DIAPH2: variants seen among roughly 807,000 people sequenced by gnomAD.
DIAPH2 encodes the protein diaphanous related formin 2.
In DIAPH2, 35 loss-of-function variants were observed where a neutral mutation model predicts 92.7. The observed-to-expected ratio is 0.38, with a 90% CI of 0.29 to 0.50. The LOEUF (loss-of-function observed/expected upper bound fraction) is 0.50, where lower values mean the gene tolerates loss of function less well. Ranked by LOEUF, DIAPH2 falls within the 20% of genes least tolerant of loss-of-function variation. DIAPH2 has a pLI of 0.94. For synonymous variants in DIAPH2, 301 were observed against 280.4 expected (o/e 1.07, Z -0.73); for missense variants, 701 against 819.5 (o/e 0.86, Z 1.77).
At chrX:97,218,355 G>T (rs930176815) in intron 22 of DIAPH2, among the ~76,000 whole-genome samples, 2 of 111,633 alleles carry the variant, frequency 1.8e-5, no homozygotes, top group Admixed American at 1.9e-4. Flanking sequence ...CTCCCAAAGT[G>T]CTGGGATTAT....
At chrX:97,545,537 T>G (rs1381695385) in intron 26 of DIAPH2, among the ~76,000 whole-genome samples, 1 of 73,604 alleles carries the variant, frequency 1.4e-5, no homozygotes, top group African/African-American at 5.7e-5. Flanking sequence ...AAAAAAAATA[T>G]ATATATATAT....
chrX:97,472,870 T>A, intron 26 of DIAPH2, among the ~76,000 whole-genome samples: 1 of 112,264 alleles, frequency 8.9e-6, no homozygotes, highest in East Asian at 2.8e-4. Context: ...TTGATTCTGC[T>A]TAGACAGGCC....
chrX:96,899,758 C>G (rs777633535), intron 5 of DIAPH2, among the ~76,000 whole-genome samples: 30 of 109,675 alleles, frequency 2.7e-4, no homozygotes, highest in Admixed American at 1.2e-3. Context: ...GAACTTCCAA[C>G]ACTATGTTGA....
chrX:97,400,700 A>G (rs2069747905), intron 25 of DIAPH2, among the ~76,000 whole-genome samples: 1 of 111,094 alleles, frequency 9.0e-6, no homozygotes. Flanking sequence ...GCTGTTGGCA[A>G]CCACCACTCT....
chrX:97,595,395 T>C (rs751338554), intron 26 of DIAPH2, among the ~76,000 whole-genome samples: 48 of 112,284 alleles, frequency 4.3e-4, no homozygotes, highest in Non-Finnish European at 8.8e-4. Context: ...CTTACTCATA[T>C]GACAGCAGGG....
chrX:96,945,901 C>T (rs1386414255), intron 14 of DIAPH2, among the ~76,000 whole-genome samples: 1 of 111,598 alleles, frequency 9.0e-6, no homozygotes, highest in African/African-American at 3.3e-5. Context: ...ATAAATTCTC[C>T]CTTTGCTTTC....
At chrX:97,565,886 A>C (rs764594493) in intron 26 of DIAPH2, among the ~76,000 whole-genome samples, 1 of 112,193 alleles carries the variant, frequency 8.9e-6, no homozygotes, top group Non-Finnish European at 1.9e-5. Flanking sequence ...CACTAGGTCC[A>C]TTGGCTTTTC....
At chrX:97,431,123 A>G (rs1165317833) in intron 26 of DIAPH2, among the ~76,000 whole-genome samples, 2 of 112,188 alleles carry the variant, frequency 1.8e-5, no homozygotes, top group Non-Finnish European at 3.8e-5. Context: ...CTCATCTATA[A>G]CTATGAGGCA....
intron 5 of DIAPH2, chrX:96,884,384 T>C: frequency 8.3e-7 from 1 of 1,210,561 alleles, no homozygotes; most frequent in Non-Finnish European, 1.1e-6. Context: ...AGTGACCAAC[T>C]GTGTGAGAGA....
intron 23 of DIAPH2, among the ~76,000 whole-genome samples, chrX:97,301,107 C>T (rs979466362): frequency 1.2e-4 from 12 of 99,147 alleles, no homozygotes; most frequent in Non-Finnish European, 2.2e-4. Flanking sequence ...ATCGACATCG[C>T]GCCACTGCAC....
intron 4 of DIAPH2, among the ~76,000 whole-genome samples, chrX:96,814,107 C>A (rs2064710275): frequency 8.9e-6 from 1 of 111,777 alleles, no homozygotes; most frequent in Non-Finnish European, 1.9e-5. Context: ...TGGATAATAT[C>A]CTTCAGAGTG....
chrX:96,871,401 C>T (rs1385552655), intron 4 of DIAPH2, among the ~76,000 whole-genome samples: 5 of 88,657 alleles, frequency 5.6e-5, no homozygotes, highest in Admixed American at 1.6e-4. Flanking sequence ...ACCTGGTAGG[C>T]GGAGATTGCA....
At chrX:96,757,760 T>C (rs12013160) in intron 3 of DIAPH2, among the ~76,000 whole-genome samples, 3,655 of 111,978 alleles carry the variant, frequency 0.033, 152 homozygotes, top group African/African-American at 0.11. Context: ...CTTTCCCAGG[T>C]AATAATGATC....
At chrX:97,397,247 T>C (rs2069712859) in intron 25 of DIAPH2, among the ~76,000 whole-genome samples, 1 of 112,228 alleles carries the variant, frequency 8.9e-6, no homozygotes. Context: ...GATGATGGTA[T>C]GATTCATTTG....
At chrX:97,293,795 T>C (rs1237583334) in intron 23 of DIAPH2, among the ~76,000 whole-genome samples, 1 of 112,177 alleles carries the variant, frequency 8.9e-6, no homozygotes, top group Non-Finnish European at 1.9e-5. Context: ...ATAGTCTTGG[T>C]TTCACATTTT....
intron 4 of DIAPH2, among the ~76,000 whole-genome samples, chrX:96,823,511 C>T (rs2064791971): frequency 9.0e-6 from 1 of 110,677 alleles, no homozygotes; most frequent in Non-Finnish European, 1.9e-5. Context: ...AATGATTAGA[C>T]CAAGTGATAA....
At chrX:96,838,139 A>G (rs1320986734) in intron 4 of DIAPH2, among the ~76,000 whole-genome samples, 1 of 112,095 alleles carries the variant, frequency 8.9e-6, no homozygotes, top group Non-Finnish European at 1.9e-5. Flanking sequence ...GAAAATAGCC[A>G]AAATTTTCTC....
rs1347163685 is a variant in DIAPH2 at position 97,600,607 on chromosome X, TTGTC to T, written c.*1296_*1299del. The T allele has an allele frequency of 4.4e-5, 5 of 112,560 alleles. No individual in the cohort carries two copies. The highest frequency in any genetic ancestry group is 1.3e-4 in the African/African-American group (4 of 30,920). 9.3% of individuals were successfully genotyped at this position (112,560 alleles called of 1,213,427 possible). On this transcript the variant is annotated 3_prime_UTR_variant, in exon 27 of 27. Coordinates refer to ENST00000324765, the MANE Select transcript of DIAPH2 (RefSeq NM_006729.5). ...TTAGGGAGTAAAAGTTATACTTAAC[TTGTC>T]TGTCTATTATTTTAAAATATGCATT...
intron 1 of DIAPH2, among the ~76,000 whole-genome samples, chrX:96,703,889 A>G (rs2063868941): frequency 9.0e-6 from 1 of 111,650 alleles, no homozygotes. Flanking sequence ...TAATTCACTT[A>G]AATAAGTGGA....
Sources: allele counts gnomAD v4.1 joint callset (sites outside exome capture counted in the v4.1 genomes callset), GRCh38; gene constraint gnomAD v4.1.1; transcripts MANE v1.5; gene names NCBI Gene and HGNC (gene_info 2026-07-23, HGNC 2026-07-21).